The following ANKRD31 variants were observed in gnomAD, a reference collection of about 807,000 sequenced individuals.
The protein encoded by ANKRD31 is ankyrin repeat domain 31.
Under a neutral mutation model 186.0 loss-of-function variants are expected in ANKRD31, and 147 were observed. The observed-to-expected ratio is 0.79, with a 90% CI of 0.69 to 0.91. The LOEUF is 0.91. ANKRD31 is among the 40% of genes least tolerant of loss of function. The pLI is 0.00. For missense variants in ANKRD31, 1,986 were observed against 2,148.8 expected (o/e 0.92, Z 1.50); for synonymous variants, 673 against 736.4 (o/e 0.91, Z 1.39).
Position 75,068,522 on chromosome 5 carries a change from G to C in ANKRD31, c.5790C>G (p.Pro1930=). The C allele has an allele frequency of 6.7e-7, 1 of 1,487,692 alleles. No individual in the cohort carries two copies. Among genetic ancestry groups the C allele is most frequent in the Non-Finnish European group, 8.9e-7 (1 of 1,126,358 alleles). The allele number at this position is 1,487,692 out of a possible 1,614,324, so 92.2% of individuals were successfully genotyped here. A position where few individuals can be genotyped will look rare whatever the true frequency, so the allele number is the denominator to read the frequency against. The change falls in exon 26 of 26, where the codon CCC becomes CCG. Residue 1930 remains proline, a synonymous_variant. Transcript: ENST00000506364. ...AAAATATTAAGAAACCAAGGTTTTAGGGTGTTAGTTCCTCACATTCCACAC... is the reference window on the plus strand; with the variant it reads ...AAAATATTAAGAAACCAAGGTTTTACGGTGTTAGTTCCTCACATTCCACAC... ...KFCVECEELT[P] is the part of the protein sequence containing the mutation.
At chr5:75,131,367 G>A (rs941888887) in intron 17 of ANKRD31, among the ~76,000 whole-genome samples, 1 of 152,160 alleles carries the variant, frequency 6.6e-6, no homozygotes, top group African/African-American at 2.4e-5. Context: ...ATTATATCCT[G>A]TGCATGGGTC....
intron 11 of ANKRD31, among the ~76,000 whole-genome samples, chr5:75,165,263 C>CA (rs147464190): frequency 0.035 from 5,282 of 152,168 alleles, 200 homozygotes; most frequent in African/African-American, 0.089. Context: ...ACTTGTACTT[C>CA]AAAAGACAGT....
chr5:75,128,325 T>C (rs1749423735), intron 17 of ANKRD31, among the ~76,000 whole-genome samples: 1 of 151,442 alleles, frequency 6.6e-6, no homozygotes, highest in South Asian at 2.1e-4. Flanking sequence ...GGTTGATGGA[T>C]GCAGCAAACC....
chr5:75,130,360 G>A (rs1749681950), intron 17 of ANKRD31, among the ~76,000 whole-genome samples: 2 of 152,212 alleles, frequency 1.3e-5, no homozygotes, highest in South Asian at 2.1e-4. Context: ...AGTGTGGAAA[G>A]GGACCTCAGT....
At chr5:75,142,624 T>C (rs1751134215) in intron 15 of ANKRD31, among the ~76,000 whole-genome samples, 1 of 152,156 alleles carries the variant, frequency 6.6e-6, no homozygotes, top group African/African-American at 2.4e-5. Context: ...CTGCAAATAC[T>C]TGTCGATTCT....
intron 23 of ANKRD31, among the ~76,000 whole-genome samples, chr5:75,088,261 A>AT (rs1237286311): frequency 6.6e-6 from 1 of 152,194 alleles, no homozygotes; most frequent in Non-Finnish European, 1.5e-5. Context: ...GGGGAACCAC[A>AT]GAAAAAAGTG....
rs1747210802 is a variant in ANKRD31, at chr5:75,104,965, G to A, written c.4594C>T (p.Leu1532Phe). Reference protein sequence around the residue: ...ENLEHPQSGSLSPVSGSMQET... With the variant: ...ENLEHPQSGSFSPVSGSMQET... ...TGCATGCTTCCAGAAACAGGAGAAA[G>A]TGAACCTGATTGGGGATGCTCTAAA... Residue 1532 changes from leucine to phenylalanine, a missense_variant, in exon 22 of 26, where the codon CTT (leucine) becomes TTT (phenylalanine). By Grantham distance (22) the Leu-to-Phe change is conservative. Transcript: ENST00000506364. 1.3e-6 allele frequency: 2 copies of A among 1,536,980 alleles called. No homozygotes were observed. The highest frequency in any genetic ancestry group is 3.9e-5 in the Admixed American group (2 of 50,956).
chr5:75,087,120 A>G (rs961599330), intron 23 of ANKRD31, among the ~76,000 whole-genome samples: 1 of 152,228 alleles, frequency 6.6e-6, no homozygotes, highest in Admixed American at 6.5e-5. Flanking sequence ...CCACCTTTGC[A>G]TATACTTCCC....
chr5:75,111,416 G>A (rs1202674065), intron 20 of ANKRD31, among the ~76,000 whole-genome samples: 1 of 151,938 alleles, frequency 6.6e-6, no homozygotes, highest in African/African-American at 2.4e-5. Context: ...TTTTTTGTTT[G>A]GGGGTATGAA....
intron 21 of ANKRD31, 26 bp downstream of exon 21, chr5:75,107,495 C>T (rs1186733367): frequency 7.8e-6 from 11 of 1,416,038 alleles, no homozygotes; most frequent in Non-Finnish European, 1.0e-5. Context: ...CTCAAAAGCA[C>T]TCTTTTTTTT....
At chr5:75,182,386 G>T (rs549389368) in intron 10 of ANKRD31, among the ~76,000 whole-genome samples, 2 of 152,086 alleles carry the variant, frequency 1.3e-5, no homozygotes, top group Non-Finnish European at 2.9e-5. Flanking sequence ...TCCTTGTCTA[G>T]ATTTTGCTCA....
At chr5:75,175,019 C>T (rs1753674688) in intron 10 of ANKRD31, among the ~76,000 whole-genome samples, 1 of 152,126 alleles carries the variant, frequency 6.6e-6, no homozygotes, top group Admixed American at 6.5e-5. Flanking sequence ...GAAAATGTGG[C>T]ACATATACAC....
chr5:75,133,320 AC>A (rs1273552539), intron 17 of ANKRD31, among the ~76,000 whole-genome samples: 2 of 152,178 alleles, frequency 1.3e-5, no homozygotes, highest in African/African-American at 4.8e-5. Flanking sequence ...AGGAAGATCT[AC>A]CAAGCAAATG....
In ANKRD31 at chr5:75,146,788, T is replaced by C; in HGVS notation, c.2623A>G (p.Asn875Asp). Residue 875 changes from asparagine (N) to aspartate (D), a missense_variant, in exon 14 of 26, where the codon AAC (asparagine) becomes GAC (aspartate). Asn to Asp is a conservative substitution (Grantham distance 23). Coordinates refer to ENST00000506364, the MANE Select transcript of ANKRD31 (RefSeq NM_001372053.1). ...AATCTCTCATCTTTTGGGACCAAGTTACTGTTTTCATGAGATTTATAAAGT... is the reference window on the plus strand; with the variant it reads ...AATCTCTCATCTTTTGGGACCAAGTCACTGTTTTCATGAGATTTATAAAGT... ...HVLYKSHENS[N>D]LVPKDERFNK... The C allele has an allele frequency of 6.5e-7, 1 of 1,536,198 alleles. No individual in the cohort carries two copies. The highest frequency in any genetic ancestry group is 8.7e-7 in the Non-Finnish European group (1 of 1,146,252).
intron 23 of ANKRD31, among the ~76,000 whole-genome samples, chr5:75,086,351 A>G (rs966531168): frequency 2.6e-5 from 4 of 152,214 alleles, no homozygotes; most frequent in African/African-American, 9.6e-5. Flanking sequence ...ATGAACAGAC[A>G]CTAGATCACT....
intron 3 of ANKRD31, among the ~76,000 whole-genome samples, chr5:75,216,308 C>T (rs1436773152): frequency 6.6e-6 from 1 of 152,070 alleles, no homozygotes; most frequent in Non-Finnish European, 1.5e-5. Flanking sequence ...AGGTTCCACC[C>T]AAGTATGGGT....
intron 23 of ANKRD31, among the ~76,000 whole-genome samples, chr5:75,086,779 T>C (rs1745519082): frequency 6.6e-6 from 1 of 152,210 alleles, no homozygotes; most frequent in East Asian, 1.9e-4. Flanking sequence ...CTGAAGCTCT[T>C]ACAACACTCC....
chr5:75,074,732 T>A (rs1030679679), intron 25 of ANKRD31, among the ~76,000 whole-genome samples: 4 of 152,204 alleles, frequency 2.6e-5, no homozygotes, highest in African/African-American at 9.7e-5. Flanking sequence ...TAAAAGATTT[T>A]TTTTTAAAGT....
chr5:75,077,837 G>A (rs1445739084), intron 25 of ANKRD31, among the ~76,000 whole-genome samples: 5 of 150,892 alleles, frequency 3.3e-5, no homozygotes, highest in African/African-American at 4.9e-5. Flanking sequence ...AGGCAGGAGA[G>A]TGGCATGAAC....
Sources: gnomAD v4.1 joint callset for allele counts (sites outside exome capture counted in the v4.1 genomes callset) on GRCh38, gnomAD v4.1.1 for gene constraint, MANE v1.5 for transcripts, NCBI Gene and HGNC (gene_info 2026-07-23, HGNC 2026-07-21) for gene names.